C6orf136: variants seen among roughly 807,000 people sequenced by gnomAD.
The protein encoded by C6orf136 is uncharacterized protein C6orf136.
Under a neutral mutation model 44.0 loss-of-function variants are expected in C6orf136, and 29 were observed. That is an observed-to-expected ratio of 0.66 (90% confidence interval 0.49 to 0.90). C6orf136 has a LOEUF of 0.90. C6orf136 is among the 40% of genes least tolerant of loss of function. The probability of loss-of-function intolerance (pLI) is 0.00; values close to 1 mark genes in which losing one functional copy is unlikely to be tolerated. For missense variants in C6orf136, 628 were observed against 669.3 expected, an observed-to-expected ratio of 0.94 and a Z score of 0.68; for synonymous variants, 293 against 278.6, an observed-to-expected ratio of 1.05 and a Z score of -0.52.
At chr6:30,649,501 C>A in intron 1 of C6orf136, 57 bp from the exon 2 acceptor site, 1 of 1,496,506 alleles carries the variant, frequency 6.7e-7, no homozygotes, top group Non-Finnish European at 9.0e-7. Flanking sequence ...TCCAGGGGAT[C>A]AAGGGGTGTT....
chr6:30,647,443 G>A lies in C6orf136; in HGVS notation c.212G>A (p.Arg71His). The change falls in exon 1 of 6, where the codon CGC becomes CAC. Residue 71 changes from arginine to histidine, a missense_variant. Coordinates refer to ENST00000651131, the MANE Select transcript of C6orf136 (RefSeq NM_001161376.2). This position sits in a 1 kb window ranked among gnomAD's most constrained non-coding sequence, Gnocchi z 4.8. The part of the protein sequence containing the change: ...PPPLPTCALQ[R>H]VDRLGVAGAG... ...CCCCTTCCCACCTGTGCCCTGCAGC[G>A]CGTGGACAGGCTAGGGGTCGCGGGA... 6.8e-7 allele frequency: 1 copy of A among 1,471,110 alleles called. No homozygotes were observed. The highest frequency in any genetic ancestry group is 9.0e-7 in the Non-Finnish European group (1 of 1,107,286). The allele number at this position is 1,471,110 out of a possible 1,614,324, so 91.1% of individuals were successfully genotyped here.
At chr6:30,650,706 C>T (rs1445826408) in intron 2 of C6orf136, among the ~76,000 whole-genome samples, 3 of 152,034 alleles carry the variant, frequency 2.0e-5, no homozygotes, top group African/African-American at 7.2e-5. Context: ...TCGCTTGAAC[C>T]TGGGAGGCGG....
chr6:30,650,660 G>A (rs1378915942), intron 2 of C6orf136, among the ~76,000 whole-genome samples: 1 of 151,014 alleles, frequency 6.6e-6, no homozygotes, highest in Non-Finnish European at 1.5e-5. Context: ...GTGGGTGCCT[G>A]TAATCCCAGC....
At chr6:30,652,583 A>G in intron 4 of C6orf136, 65 bp from the exon 5 acceptor site, 1 of 1,459,450 alleles carries the variant, frequency 6.9e-7, no homozygotes, top group Middle Eastern at 1.7e-4. Flanking sequence ...CGTTTAAACA[A>G]ATGCTTGAAT....
At chr6:30,648,399 C>CTT (rs57790985) in intron 1 of C6orf136, among the ~76,000 whole-genome samples, 4 of 135,382 alleles carry the variant, frequency 3.0e-5, no homozygotes, top group African/African-American at 1.1e-4. Flanking sequence ...GTGTTGGAAT[C>CTT]TTTTTTTTTT....
intron 2 of C6orf136, among the ~76,000 whole-genome samples, chr6:30,650,312 T>G (rs1767284194): frequency 6.6e-6 from 1 of 150,436 alleles, no homozygotes; most frequent in Non-Finnish European, 1.5e-5. Flanking sequence ...GAGAATCGCT[T>G]GAACCCAGGA....
chr6:30,651,037 C>G lies in C6orf136; in HGVS notation c.1061C>G (p.Ser354Cys), dbSNP rs1767356062. Residue 354 changes from serine (S) to cysteine (C), a missense_variant, in exon 3 of 6, where the codon TCC becomes TGC. Coordinates refer to ENST00000651131, the MANE Select transcript of C6orf136 (RefSeq NM_001161376.2). Reference protein sequence around the residue: ...FLQSHDYSLYSLDVEFINEIL... With the variant: ...FLQSHDYSLYCLDVEFINEIL... ...CAGTCCCACGACTACAGTCTGTATT[C>G]CTTGGATGTGGAATTCATCAATGAG... 2 of 1,614,150 alleles carry G rather than the reference C, an allele frequency of 1.2e-6. No individual in the cohort carries two copies. The highest frequency in any genetic ancestry group is 1.7e-6 in the Non-Finnish European group (2 of 1,180,000).
Position 30,651,073 on chromosome 6 carries a change from T to C in C6orf136, c.1097T>C (p.Ile366Thr). 1 of 1,613,704 alleles carries C rather than the reference T, an allele frequency of 6.2e-7. No individual in the cohort carries two copies. Among genetic ancestry groups the C allele is most frequent in the Non-Finnish European group, 8.5e-7 (1 of 1,179,606 alleles). Residue 366 changes from isoleucine to threonine, a missense_variant, in exon 3 of 6, where the codon ATA becomes ACA. Coordinates refer to ENST00000651131, the MANE Select transcript of C6orf136 (RefSeq NM_001161376.2). ...GAATTCATCAATGAGATCCTCAACA[T>C]ACGTACCAAGTGAGAATTGGGGCAC... is the stretch of plus-strand genomic sequence containing the variant. ...DVEFINEILNIRTKGRTWYIL... is the reference protein window; with the variant it reads ...DVEFINEILNTRTKGRTWYIL...
In C6orf136 at chr6:30,650,008, TAA is replaced by T. The variant is rs754103835; in HGVS notation, c.1017+50_1017+51del. ...TCGTCTACAGTGGGAAGGATGTGGG[TAA>T]TCCTTGGACGTACAGGGATAGTCAA... On this transcript the variant is annotated intron_variant, in intron 2 of 5. Coordinates refer to ENST00000651131, the MANE Select transcript of C6orf136 (RefSeq NM_001161376.2). The T allele has an allele frequency of 1.5e-4, 236 of 1,532,238 alleles. 4 individuals carry two copies. The Admixed American group carries it at 2.5e-3, about 16-fold the overall frequency. The allele number at this position is 1,532,238 out of a possible 1,614,324, so 94.9% of individuals were successfully genotyped here.
Position 30,651,282 on chromosome 6 carries a change from A to C in C6orf136, c.1123A>C (p.Ile375Leu), listed in dbSNP as rs1211619566. The C allele has an allele frequency of 1.2e-6, 2 of 1,613,938 alleles. No individual in the cohort carries two copies. The highest frequency in any genetic ancestry group is 2.2e-5 in the East Asian group (1 of 44,896). Reference protein sequence around the residue: ...NIRTKGRTWYILSLTLCRFLA... With the variant: ...NIRTKGRTWYLLSLTLCRFLA... The stretch of plus-strand genomic sequence containing the variant: ...TCTTCACAGGGGCCGGACATGGTAC[A>C]TTCTTTCACTGACCCTCTGCCGTTT... Residue 375 changes from isoleucine to leucine, a missense_variant, in exon 4 of 6, where the codon ATT becomes CTT. Physicochemically the swap from Ile to Leu is conservative, Grantham distance 5. Coordinates refer to ENST00000651131, the MANE Select transcript of C6orf136 (RefSeq NM_001161376.2).
chr6:30,648,636 G>A (rs1378818247), intron 1 of C6orf136, among the ~76,000 whole-genome samples: 1 of 149,404 alleles, frequency 6.7e-6, no homozygotes, highest in African/African-American at 2.4e-5. Flanking sequence ...CCTAGACCTC[G>A]TGATCCGCCC....
Position 30,649,675 on chromosome 6 carries a change from C to A in C6orf136, c.733C>A (p.Arg245Ser). The change falls in exon 2 of 6, where the codon CGT becomes AGT. Residue 245 changes from arginine (R) to serine (S), a missense_variant. By Grantham distance (110) the Arg-to-Ser change is moderately radical. This residue lies in a region of C6orf136 where 497 missense variants were observed against 469.2 expected (regional missense o/e 1.06). Coordinates refer to ENST00000651131, the MANE Select transcript of C6orf136 (RefSeq NM_001161376.2). ...CCTGCCCCCACGCCTTCCCACCCAG[C>A]GTCTTCCCCAGGTTCCCCCACTACC... ...SPLPPRLPTQRLPQVPPLPLP... is the reference protein window; with the variant it reads ...SPLPPRLPTQSLPQVPPLPLP... The A allele has an allele frequency of 6.2e-7, 1 of 1,609,000 alleles. No homozygotes were observed. The highest frequency in any genetic ancestry group is 8.5e-7 in the Non-Finnish European group (1 of 1,178,404).
Position 30,647,751 on chromosome 6 carries a change from C to T in C6orf136, c.520C>T (p.Pro174Ser). ...LGERSWQEGRPVCTRFGPLRP... is the reference protein window; with the variant it reads ...LGERSWQEGRSVCTRFGPLRP... ...AGAGCGGTCCTGGCAGGAAGGCCGG[C>T]CAGTGTGCACCCGGTTCGGGCCCCT... is the stretch of plus-strand genomic sequence containing the variant. Residue 174 changes from proline (P) to serine (S), a missense_variant, in exon 1 of 6, where the codon CCA becomes TCA. Around this residue, in one of 2 missense-constraint regions of C6orf136, gnomAD observed 497 missense variants for 469.2 expected, o/e 1.06. Transcript: ENST00000651131. This position sits in a 1 kb window ranked among gnomAD's most constrained non-coding sequence, Gnocchi z 4.8. 6.5e-7 allele frequency: 1 copy of T among 1,548,684 alleles called. No individual in the cohort carries two copies.
chr6:30,649,868 C>T lies in C6orf136; in HGVS notation c.926C>T (p.Pro309Leu). ...YPGAWIPFQV[P>L]GTAHPSPATP... ...GGGGCTTGGATACCTTTCCAAGTCC[C>T]TGGAACTGCCCACCCTTCCCCTGCC... The change falls in exon 2 of 6, where the codon CCT becomes CTT. Residue 309 changes from proline (P) to leucine (L), a missense_variant. Coordinates refer to ENST00000651131, the MANE Select transcript of C6orf136 (RefSeq NM_001161376.2). 6.2e-7 allele frequency: 1 copy of T among 1,614,008 alleles called. No homozygotes were observed. Among genetic ancestry groups the T allele is most frequent in the African/African-American group, 1.3e-5 (1 of 75,000 alleles).
At position 30,653,034 on chromosome 6, in the gene C6orf136, C is replaced by T. The variant is rs1450283735; in HGVS notation, c.*119C>T. ...CCTCGTTTCTCTCCTTCCTTCCTTT[C>T]CATCTCATGCTGTGTAAAGCTGCTG... is the stretch of plus-strand genomic sequence containing the variant. On this transcript the variant is annotated 3_prime_UTR_variant, in exon 6 of 6. Transcript: ENST00000651131. 13 of 1,120,476 alleles carry T rather than the reference C, an allele frequency of 1.2e-5. No individual in the cohort carries two copies. Among genetic ancestry groups the T allele is most frequent in the East Asian group, 7.6e-5 (3 of 39,382 alleles). The allele number at this position is 1,120,476 out of a possible 1,614,324, so 69.4% of individuals were successfully genotyped here. A position where few individuals can be genotyped will look rare whatever the true frequency, so the allele number is the denominator to read the frequency against.
chr6:30,648,109 T>C (rs750119879), intron 1 of C6orf136, among the ~76,000 whole-genome samples: 60 of 152,348 alleles, frequency 3.9e-4, no homozygotes, highest in Non-Finnish European at 7.1e-4. Context: ...TTATTTCATA[T>C]AGGCCTCATA....
At chr6:30,652,264 C>G (rs976640248) in intron 4 of C6orf136, among the ~76,000 whole-genome samples, 1 of 151,228 alleles carries the variant, frequency 6.6e-6, no homozygotes, top group Non-Finnish European at 1.5e-5. Context: ...CACACACACA[C>G]ACACACACAC....
chr6:30,647,496 C>G lies in C6orf136; in HGVS notation c.265C>G (p.Arg89Gly). The change falls in exon 1 of 6, where the codon CGC becomes GGC. Residue 89 changes from arginine (R) to glycine (G), a missense_variant. Coordinates refer to ENST00000651131, the MANE Select transcript of C6orf136 (RefSeq NM_001161376.2). The surrounding 1 kb of genome is among the most constrained non-coding windows in gnomAD (Gnocchi z 4.8). ...GGGAGGGAGGCGCTGCCGGGCCTGT[C>G]GCGCAAGGACGTCGGTCCTCCCAGG... ...GAGGRRCRAC[R>G]ARTSVLPGLR... 2 of 1,494,686 alleles carry G rather than the reference C, an allele frequency of 1.3e-6. No individual in the cohort carries two copies. Among genetic ancestry groups the G allele is most frequent in the South Asian group, 1.3e-5 (1 of 76,070 alleles). 92.6% of individuals were successfully genotyped at this position (1,494,686 alleles called of 1,614,324 possible). A position where few individuals can be genotyped will look rare whatever the true frequency, so the allele number is the denominator to read the frequency against.
chr6:30,648,877 G>A (rs936236644), intron 1 of C6orf136, among the ~76,000 whole-genome samples: 9 of 151,876 alleles, frequency 5.9e-5, no homozygotes, highest in Non-Finnish European at 1.2e-4. Flanking sequence ...GCGTGGTGAA[G>A]GGTGCCTGTA....
Sources: gnomAD v4.1 joint callset for allele counts (sites outside exome capture counted in the v4.1 genomes callset) on GRCh38, gnomAD v4.1.1 for gene constraint, gnomAD v4.1.1 regional missense constraint, Gnocchi (gnomAD v3.1) non-coding constraint, MANE v1.5 for transcripts, NCBI Gene and HGNC (gene_info 2026-07-23, HGNC 2026-07-21) for gene names.